The following CBX3 variants were observed in gnomAD, a reference collection of about 807,000 sequenced individuals.
CBX3 encodes chromobox protein homolog 3.
In CBX3, 5 loss-of-function variants were observed where a neutral mutation model predicts 22.6. That is an observed-to-expected ratio of 0.22 (90% CI 0.12 to 0.47). The LOEUF (loss-of-function observed/expected upper bound fraction) is 0.47, where lower values mean the gene tolerates loss of function less well. Ranked by LOEUF, CBX3 falls within the 20% of genes least tolerant of loss-of-function variation. CBX3 has a pLI of 0.99. For synonymous variants in CBX3, 50 were observed against 66.6 expected (o/e 0.75, Z 1.21); for missense variants, 83 against 208.1 (o/e 0.40, Z 3.70).
intron 1 of CBX3, 24 bp from the exon 2 acceptor site, chr7:26,202,947 C>CTTAA: frequency 5.3e-6 from 8 of 1,501,768 alleles, no homozygotes; most frequent in Non-Finnish European, 9.3e-7. Context: ...GCAAACTTAC[C>CTTAA]TTAACTGTCA....
In CBX3 at chr7:26,212,308, A is replaced by C; in HGVS notation, c.*100A>C. ...TGACAAAATAACTACATCCTAATGA[A>C]AATCAAGTTTGATATGTTTGTTTTG... On this transcript the variant is annotated 3_prime_UTR_variant, in exon 6 of 6. Coordinates refer to ENST00000396386, the MANE Select transcript of CBX3 (RefSeq NM_016587.4). The C allele has an allele frequency of 1.3e-6, 1 of 766,992 alleles. No individual in the cohort carries two copies. Among genetic ancestry groups the C allele is most frequent in the Non-Finnish European group, 1.7e-6 (1 of 582,850 alleles). 47.5% of individuals were successfully genotyped at this position (766,992 alleles called of 1,614,324 possible).
At chr7:26,204,462 C>T (rs963164715) in intron 2 of CBX3, among the ~76,000 whole-genome samples, 2 of 152,172 alleles carry the variant, frequency 1.3e-5, no homozygotes, top group Non-Finnish European at 2.9e-5. Context: ...ACTCAAGTAT[C>T]TTGACTAATG....
At chr7:26,205,172 T>C (rs1342422259) in intron 2 of CBX3, among the ~76,000 whole-genome samples, 6 of 152,208 alleles carry the variant, frequency 3.9e-5, no homozygotes, top group Non-Finnish European at 8.8e-5. Flanking sequence ...CAGGGTTTTT[T>C]TTCCCCCATT....
rs1784655076 is a variant in CBX3 at position 26,205,462 on chromosome 7, T to C, written c.25-906T>C. ...TTGTTCTAAGTGGTAGGAAATATTA[T>C]CTACAGAGATTATGGAAAAATAATC... On this transcript the variant is annotated intron_variant, in intron 2 of 5. Transcript: ENST00000396386. 2.0e-5 allele frequency among the ~76,000 whole-genome samples: 3 copies of C among 152,256 alleles called. No individual in the cohort carries two copies. The South Asian group carries it at 6.2e-4, about 31-fold the overall frequency.
chr7:26,211,546 A>G (rs1404877834), intron 4 of CBX3, 116 bp from the exon 5 acceptor site: 5 of 553,050 alleles, frequency 9.0e-6, no homozygotes, highest in Non-Finnish European at 1.6e-5. Flanking sequence ...ATTACCAAAT[A>G]TGGGTTCTTG....
intron 2 of CBX3, 62 bp from the exon 3 acceptor site, chr7:26,206,306 C>A: frequency 1.7e-6 from 2 of 1,164,818 alleles, no homozygotes; most frequent in African/African-American, 1.6e-5. Context: ...GCAATTGAGC[C>A]TTGAAAATGT....
intron 3 of CBX3, among the ~76,000 whole-genome samples, chr7:26,207,946 C>G (rs1352162944): frequency 6.6e-6 from 1 of 151,520 alleles, no homozygotes; most frequent in African/African-American, 2.4e-5. Flanking sequence ...TGCAGTGGCT[C>G]ACACCTGTAA....
In CBX3 at chr7:26,213,502, A is replaced by G. The variant is rs1784861880; in HGVS notation, c.*1294A>G. On this transcript the variant is annotated 3_prime_UTR_variant, in exon 6 of 6. Transcript: ENST00000396386. ...TAGATCTTTTGAGCTTACGAGTTTT[A>G]AACTTGAATATGTATTTCCACAGGA... The G allele has an allele frequency of 2.0e-5, 3 of 152,172 alleles. No homozygotes were observed. The highest frequency in any genetic ancestry group is 1.3e-4 in the Admixed American group (2 of 15,268). 9.4% of individuals were successfully genotyped at this position (152,172 alleles called of 1,614,324 possible).
chr7:26,209,211 TTTGA>T (rs1784751347), intron 4 of CBX3, among the ~76,000 whole-genome samples: 1 of 152,136 alleles, frequency 6.6e-6, no homozygotes, highest in Non-Finnish European at 1.5e-5. Flanking sequence ...CAAGCCCACC[TTTGA>T]CGACTTGCTT....
Position 26,212,623 on chromosome 7 carries a change from A to C in CBX3, c.*415A>C, listed in dbSNP as rs1161928875. 3 of 151,962 alleles carry C rather than the reference A, an allele frequency of 2.0e-5. No homozygotes were observed. Among genetic ancestry groups the C allele is most frequent in the African/African-American group, 7.3e-5 (3 of 41,200 alleles). The allele number at this position is 151,962 out of a possible 1,614,324, so 9.4% of individuals were successfully genotyped here. On this transcript the variant is annotated 3_prime_UTR_variant, in exon 6 of 6. Transcript: ENST00000396386. Reference sequence around the variant, plus strand: ...GTGTGTGTGTGTGTGTATCCATAAAATGCATATGTAAATTTTTTTTTGTTT... The same window carrying C: ...GTGTGTGTGTGTGTGTATCCATAAACTGCATATGTAAATTTTTTTTTGTTT...
chr7:26,209,432 G>C (rs1784757093), intron 4 of CBX3, among the ~76,000 whole-genome samples: 1 of 152,134 alleles, frequency 6.6e-6, no homozygotes, highest in Non-Finnish European at 1.5e-5. Context: ...TCCAAGGCTA[G>C]CAATCTTAAA....
chr7:26,210,225 C>G (rs1477162326), intron 4 of CBX3: 3 of 152,324 alleles, frequency 2.0e-5, no homozygotes, highest in Admixed American at 2.0e-4. Context: ...CCTGGGAGTT[C>G]AAGGTGCAGT....
At chr7:26,202,928 T>C (rs1784582942) in intron 1 of CBX3, 43 bp from the exon 2 acceptor site, 1 of 1,230,730 alleles carries the variant, frequency 8.1e-7, no homozygotes, top group African/African-American at 1.5e-5. Context: ...GTTACCTTTT[T>C]TGTGTCATGC....
At position 26,208,480 on chromosome 7, in the gene CBX3, A is replaced by G; in HGVS notation, c.255A>G (p.Glu85=). Residue 85 remains glutamate, a synonymous_variant, in exon 4 of 6, where the codon GAA becomes GAG. Coordinates refer to ENST00000396386, the MANE Select transcript of CBX3 (RefSeq NM_016587.4). ...TTAACTCTCAGAAAGCTGGCAAAGA[A>G]AAAGATGGTACAAAAAGAAAATCTT... ...AFLNSQKAGK[E]KDGTKRKSLS... 3.1e-6 allele frequency: 5 copies of G among 1,614,066 alleles called. No individual in the cohort carries two copies. Among genetic ancestry groups the G allele is most frequent in the Middle Eastern group, 1.6e-4 (1 of 6,062 alleles).
chr7:26,205,464 TA>T (rs1256561718), intron 2 of CBX3, among the ~76,000 whole-genome samples: 1 of 152,244 alleles, frequency 6.6e-6, no homozygotes, highest in Non-Finnish European at 1.5e-5. Context: ...AAATATTATC[TA>T]CAGAGATTAT....
At position 26,212,607 on chromosome 7, in the gene CBX3, T is replaced by G. The variant is rs1784832670; in HGVS notation, c.*399T>G. The G allele has an allele frequency of 6.6e-6, 1 of 152,140 alleles. No homozygotes were observed. The highest frequency in any genetic ancestry group is 2.4e-5 in the African/African-American group (1 of 41,394). 9.4% of individuals were successfully genotyped at this position (152,140 alleles called of 1,614,324 possible). A position where few individuals can be genotyped will look rare whatever the true frequency, so the allele number is the denominator to read the frequency against. On this transcript the variant is annotated 3_prime_UTR_variant, in exon 6 of 6. Coordinates refer to ENST00000396386, the MANE Select transcript of CBX3 (RefSeq NM_016587.4). ...TTGTGTGTGTGTGTGTGTGTGTGTGTGTGTGTATCCATAAAATGCATATGT... is the reference window on the plus strand; with the variant it reads ...TTGTGTGTGTGTGTGTGTGTGTGTGGGTGTGTATCCATAAAATGCATATGT...
chr7:26,202,459 G>C (rs1388234002), intron 1 of CBX3: 1 of 152,622 alleles, frequency 6.6e-6, no homozygotes, highest in African/African-American at 2.4e-5. Flanking sequence ...TGCAAGAGGT[G>C]ATTCTTTTTT....
chr7:26,201,914 C>G (rs567649697), intron 1 of CBX3, 88 bp downstream of exon 1: 1 of 151,856 alleles, frequency 6.6e-6, no homozygotes, highest in Admixed American at 6.6e-5. Context: ...CTCCGCTCCC[C>G]TCCCCTCCCC....
chr7:26,211,359 A>G lies in CBX3; in HGVS notation c.331-303A>G, dbSNP rs1276040655. ...TAACTTTCAAGACTTTATTATTACC[A>G]GAAATAAAGAGGTTAGTTTTTCTGT... On this transcript the variant is annotated intron_variant, in intron 4 of 5. Coordinates refer to ENST00000396386, the MANE Select transcript of CBX3 (RefSeq NM_016587.4). 2.6e-5 allele frequency among the ~76,000 whole-genome samples: 4 copies of G among 152,330 alleles called. No homozygotes were observed. In the East Asian group the frequency reaches 7.7e-4, roughly 29 times the overall value.
Sources: gnomAD v4.1 joint callset for allele counts (sites outside exome capture counted in the v4.1 genomes callset) on GRCh38, gnomAD v4.1.1 for gene constraint, MANE v1.5 for transcripts, NCBI Gene and HGNC (gene_info 2026-07-23, HGNC 2026-07-21) for gene names.